The following OSBPL10 variants were observed in gnomAD, a reference collection of about 807,000 sequenced individuals.
OSBPL10 encodes oxysterol-binding protein-related protein 10.
Under a neutral mutation model 81.7 loss-of-function variants are expected in OSBPL10, and 49 were observed. The observed-to-expected ratio is 0.60, with a 90% CI of 0.48 to 0.76. The LOEUF (loss-of-function observed/expected upper bound fraction) is 0.76. Among genes scored for constraint, OSBPL10 ranks in the 30% least tolerant of loss-of-function variants. The pLI is 0.00. For missense variants in OSBPL10, 923 were observed against 987.8 expected (o/e 0.93, Z 0.88); for synonymous variants, 419 against 383.6 (o/e 1.09, Z -1.08).
intron 1 of OSBPL10, among the ~76,000 whole-genome samples, chr3:31,960,615 A>G (rs1698133201): frequency 6.6e-6 from 1 of 152,152 alleles, no homozygotes; most frequent in South Asian, 2.1e-4. Flanking sequence ...TAAACTATCC[A>G]TTTCCAAGTA....
intron 4 of OSBPL10, among the ~76,000 whole-genome samples, chr3:31,751,101 T>C (rs1430175267): frequency 6.6e-6 from 1 of 151,192 alleles, no homozygotes; most frequent in East Asian, 1.9e-4. Flanking sequence ...AGGCCAGGAG[T>C]TTGAGACCAG....
Position 31,891,887 on chromosome 3 carries a change from G to C in OSBPL10, c.282-12057C>G, listed in dbSNP as rs188062633. 2.6e-5 allele frequency among the ~76,000 whole-genome samples: 4 copies of C among 152,232 alleles called. No homozygotes were observed. The East Asian group carries it at 7.7e-4, about 29-fold the overall frequency. On this transcript the variant is annotated intron_variant, in intron 1 of 11. Transcript: ENST00000396556. Reference sequence around the variant, plus strand: ...CAAGTCCCCAAACTAAGTTTTATTTGTAAGAATTCACTCATTTGTTTTCGG... The same window carrying C: ...CAAGTCCCCAAACTAAGTTTTATTTCTAAGAATTCACTCATTTGTTTTCGG...
chr3:31,949,053 CTCAT>C (rs1313961159), intron 1 of OSBPL10, among the ~76,000 whole-genome samples: 2 of 152,168 alleles, frequency 1.3e-5, no homozygotes, highest in Non-Finnish European at 2.9e-5. Flanking sequence ...AATCAATTAA[CTCAT>C]TATTTATTAT....
At chr3:31,820,852 C>T (rs1368711610) in intron 4 of OSBPL10, among the ~76,000 whole-genome samples, 2 of 152,034 alleles carry the variant, frequency 1.3e-5, no homozygotes, top group African/African-American at 4.8e-5. Context: ...AGAAGTATCT[C>T]CCAGTGGTTA....
intron 10 of OSBPL10, among the ~76,000 whole-genome samples, chr3:31,667,616 G>A (rs1457474355): frequency 1.3e-5 from 2 of 152,330 alleles, no homozygotes; most frequent in African/African-American, 4.8e-5. Flanking sequence ...AAGAGTGTAT[G>A]CTCTTAGATT....
intron 7 of OSBPL10, among the ~76,000 whole-genome samples, chr3:31,692,766 G>T (rs1695593421): frequency 6.6e-6 from 1 of 152,204 alleles, no homozygotes; most frequent in Admixed American, 6.5e-5. Flanking sequence ...TGAGGAAACT[G>T]CCCAGAGAGG....
At chr3:31,669,663 G>A (rs544098647) in intron 9 of OSBPL10, among the ~76,000 whole-genome samples, 2 of 152,266 alleles carry the variant, frequency 1.3e-5, no homozygotes, top group East Asian at 1.9e-4. Context: ...CTCACCTGTG[G>A]GAATTCCAAG....
intron 1 of OSBPL10, among the ~76,000 whole-genome samples, chr3:31,895,288 C>T (rs1343078394): frequency 1.3e-5 from 2 of 151,574 alleles, no homozygotes; most frequent in Non-Finnish European, 2.9e-5. Flanking sequence ...CCCGTCACCA[C>T]GCCCGGCTAA....
intron 2 of OSBPL10, among the ~76,000 whole-genome samples, chr3:32,038,405 C>T (rs1393172718): frequency 6.6e-6 from 1 of 152,176 alleles, no homozygotes; most frequent in Non-Finnish European, 1.5e-5. Flanking sequence ...AGCACAATCT[C>T]CGGCTCCCGG....
At chr3:31,928,076 G>A (rs1373506355) in intron 1 of OSBPL10, among the ~76,000 whole-genome samples, 2 of 152,306 alleles carry the variant, frequency 1.3e-5, no homozygotes, top group Middle Eastern at 3.4e-3. Flanking sequence ...TTAAACTCCC[G>A]AGGGTGAAGT....
intron 3 of OSBPL10, among the ~76,000 whole-genome samples, chr3:31,862,472 T>C (rs1426753793): frequency 6.6e-6 from 1 of 152,090 alleles, no homozygotes; most frequent in Non-Finnish European, 1.5e-5. Flanking sequence ...AATGCAACAG[T>C]AAAATGTAAT....
chr3:31,865,362 T>C (rs891652168), intron 3 of OSBPL10, among the ~76,000 whole-genome samples: 10 of 152,218 alleles, frequency 6.6e-5, no homozygotes, highest in Admixed American at 2.0e-4. Flanking sequence ...TTCAATGAAA[T>C]TTAAGTAGTC....
chr3:31,663,085 C>G, intron 11 of OSBPL10: 1 of 985,482 alleles, frequency 1.0e-6, no homozygotes, highest in Non-Finnish European at 1.2e-6. Flanking sequence ...CAGTTACCTA[C>G]TATGTTGCCC....
intron 2 of OSBPL10, among the ~76,000 whole-genome samples, chr3:31,997,548 G>A (rs1382613892): frequency 1.3e-5 from 2 of 151,856 alleles, no homozygotes; most frequent in Non-Finnish European, 2.9e-5. Context: ...CAGCCACCGT[G>A]CCAGGGCAAA....
chr3:31,830,854 T>TA (rs1700222890), intron 3 of OSBPL10, among the ~76,000 whole-genome samples: 1 of 152,240 alleles, frequency 6.6e-6, no homozygotes, highest in Non-Finnish European at 1.5e-5. Flanking sequence ...CCTCATTTGT[T>TA]AGTCCAGTGT....
upstream of OSBPL10, among the ~76,000 whole-genome samples, chr3:31,984,668 T>C (rs1174592768): frequency 6.6e-6 from 1 of 152,210 alleles, no homozygotes; most frequent in African/African-American, 2.4e-5. Flanking sequence ...AACTATGCCT[T>C]TATCTTAGCA....
At chr3:31,916,340 G>A (rs369749488) in intron 1 of OSBPL10, among the ~76,000 whole-genome samples, 21 of 152,222 alleles carry the variant, frequency 1.4e-4, no homozygotes, top group African/African-American at 4.3e-4. Context: ...CTAAAGTCAC[G>A]TAAAATGTTC....
intron 4 of OSBPL10, among the ~76,000 whole-genome samples, chr3:31,792,084 C>T (rs1254377203): frequency 6.6e-6 from 1 of 151,938 alleles, no homozygotes; most frequent in African/African-American, 2.4e-5. Context: ...AAAAAATTAG[C>T]CAGGTGTGGT....
intron 3 of OSBPL10, among the ~76,000 whole-genome samples, chr3:31,841,510 C>T (rs1027814058): frequency 5.3e-5 from 8 of 152,188 alleles, no homozygotes; most frequent in Admixed American, 2.0e-4. Flanking sequence ...CCATTAGAAA[C>T]AACCCAGGCG....
Sources: allele counts gnomAD v4.1 joint callset (sites outside exome capture counted in the v4.1 genomes callset), GRCh38; gene constraint gnomAD v4.1.1; transcripts MANE v1.5; gene names NCBI Gene and HGNC (gene_info 2026-07-23, HGNC 2026-07-21).